RELCH: variants seen among roughly 807,000 people sequenced by gnomAD.
The protein encoded by RELCH is RAB11-binding protein RELCH.
Under a neutral mutation model 150.3 loss-of-function variants are expected in RELCH, and 41 were observed. The ratio of observed to expected loss-of-function variants is 0.27; its 90% confidence interval spans 0.21 to 0.35. The LOEUF (loss-of-function observed/expected upper bound fraction) is 0.35. Ranked by LOEUF, RELCH falls within the 10% of genes least tolerant of loss-of-function variation. The pLI is 1.00. For missense variants in RELCH, 1,092 were observed against 1,467.8 expected, an observed-to-expected ratio of 0.74 and a Z score of 4.18; for synonymous variants, 478 against 531.8, an observed-to-expected ratio of 0.90 and a Z score of 1.39.
chr18:62,225,568 A>G (rs2099430891), intron 5 of RELCH, among the ~76,000 whole-genome samples: 1 of 152,054 alleles, frequency 6.6e-6, no homozygotes, highest in African/African-American at 2.4e-5. Context: ...TGGATGGAAA[A>G]TAAGCACGTG....
chr18:62,228,696 G>T, intron 8 of RELCH, 98 bp downstream of exon 8: 1 of 839,944 alleles, frequency 1.2e-6, no homozygotes, highest in South Asian at 2.1e-5. Context: ...CTTTTTTGCA[G>T]ATCAAATATA....
intron 12 of RELCH, among the ~76,000 whole-genome samples, 182 bp from the exon 13 acceptor site, chr18:62,255,225 A>G (rs1208984472): frequency 6.6e-6 from 1 of 151,924 alleles, no homozygotes; most frequent in Non-Finnish European, 1.5e-5. Flanking sequence ...GTAACCTCAT[A>G]TTTAGGTTCT....
chr18:62,291,017 T>C (rs568340112), intron 26 of RELCH, among the ~76,000 whole-genome samples: 2 of 152,216 alleles, frequency 1.3e-5, no homozygotes, highest in Non-Finnish European at 2.9e-5. Flanking sequence ...TGTCTATGAT[T>C]TGCAGGTTAA....
intron 27 of RELCH, among the ~76,000 whole-genome samples, chr18:62,293,796 T>C (rs1335623940): frequency 1.3e-5 from 2 of 152,110 alleles, no homozygotes; most frequent in Non-Finnish European, 2.9e-5. Context: ...AAAAGTTCCA[T>C]ATATGCCCCT....
At chr18:62,293,424 A>G (rs2145078337) in intron 27 of RELCH, among the ~76,000 whole-genome samples, 1 of 152,292 alleles carries the variant, frequency 6.6e-6, no homozygotes, top group South Asian at 2.1e-4. Context: ...TTTGAGGCAG[A>G]TTCCTTCTTC....
At chr18:62,208,034 T>G (rs1017976997) in intron 1 of RELCH, among the ~76,000 whole-genome samples, 4 of 152,212 alleles carry the variant, frequency 2.6e-5, no homozygotes, top group African/African-American at 7.2e-5. Flanking sequence ...TATGAGGGTT[T>G]CAGTTTCTCC....
At chr18:62,266,795 T>C (rs1427207540) in intron 19 of RELCH, 46 bp downstream of exon 19, 2 of 1,184,780 alleles carry the variant, frequency 1.7e-6, no homozygotes. Flanking sequence ...CATTTCTTTA[T>C]GCAGGAAAAA....
intron 25 of RELCH, among the ~76,000 whole-genome samples, chr18:62,284,555 G>A (rs1367582744): frequency 6.6e-6 from 1 of 151,880 alleles, no homozygotes; most frequent in Non-Finnish European, 1.5e-5. Flanking sequence ...CTTCTCTTTT[G>A]CTTTAGAACT....
intron 27 of RELCH, among the ~76,000 whole-genome samples, chr18:62,298,265 C>T (rs1392425585): frequency 6.6e-6 from 1 of 152,188 alleles, no homozygotes; most frequent in Non-Finnish European, 1.5e-5. Flanking sequence ...TTCTATCACT[C>T]ACTCAGTCTC....
chr18:62,279,169 T>G (rs969052349), intron 22 of RELCH, among the ~76,000 whole-genome samples: 5 of 152,204 alleles, frequency 3.3e-5, no homozygotes, highest in Non-Finnish European at 4.4e-5. Context: ...TGTGGAGAAC[T>G]GACGTCTGAA....
At chr18:62,257,208 G>A (rs541384332) in intron 13 of RELCH, among the ~76,000 whole-genome samples, 46 of 151,972 alleles carry the variant, frequency 3.0e-4, no homozygotes, top group Admixed American at 2.8e-3. Context: ...TTGTATATTG[G>A]TAGCTCTTTA....
At chr18:62,266,787 T>TAAAGAAA in intron 19 of RELCH, 38 bp downstream of exon 19, 1 of 1,243,122 alleles carries the variant, frequency 8.0e-7, no homozygotes, top group Non-Finnish European at 1.2e-6. Flanking sequence ...AACAATTGCA[T>TAAAGAAA]TTCTTTATGC....
intron 20 of RELCH, 37 bp from the exon 21 acceptor site, chr18:62,273,943 T>A (rs1465075696): frequency 7.9e-7 from 1 of 1,258,998 alleles, no homozygotes; most frequent in Admixed American, 1.7e-5. Context: ...TCTACTTGAT[T>A]GTTTGGAAAT....
chr18:62,243,420 T>C (rs747900372), intron 10 of RELCH, among the ~76,000 whole-genome samples: 7 of 152,158 alleles, frequency 4.6e-5, no homozygotes, highest in Non-Finnish European at 8.8e-5. Context: ...TTCCTAATCA[T>C]TTTTTATTCC....
intron 16 of RELCH, among the ~76,000 whole-genome samples, chr18:62,262,931 C>A (rs1471617809): frequency 3.3e-5 from 5 of 151,930 alleles, no homozygotes; most frequent in Non-Finnish European, 7.4e-5. Context: ...CTGGGCTCTC[C>A]CCTGGCTTCT....
intron 11 of RELCH, 33 bp downstream of exon 11, chr18:62,244,909 C>G: frequency 7.4e-7 from 1 of 1,357,002 alleles, no homozygotes; most frequent in Non-Finnish European, 1.1e-6. Flanking sequence ...AAAAGAAATA[C>G]AATGTGACTT....
chr18:62,216,557 C>G (rs2040487731), intron 2 of RELCH, among the ~76,000 whole-genome samples: 1 of 151,868 alleles, frequency 6.6e-6, no homozygotes, highest in South Asian at 2.1e-4. Context: ...TCAGATTTAT[C>G]ACATGTCACA....
At chr18:62,248,233 C>T (rs1298863440) in intron 11 of RELCH, among the ~76,000 whole-genome samples, 2 of 152,112 alleles carry the variant, frequency 1.3e-5, no homozygotes, top group African/African-American at 2.4e-5. Context: ...TGCTGCAACC[C>T]TTTAAACTTT....
intron 25 of RELCH, among the ~76,000 whole-genome samples, chr18:62,286,686 A>G (rs1409070684): frequency 1.3e-5 from 2 of 152,182 alleles, no homozygotes; most frequent in Non-Finnish European, 2.9e-5. Context: ...TTAGTGGGAA[A>G]TGGTACCCAG....
Sources: gnomAD v4.1 joint callset for allele counts (sites outside exome capture counted in the v4.1 genomes callset) on GRCh38, gnomAD v4.1.1 for gene constraint, MANE v1.5 for transcripts, NCBI Gene and HGNC (gene_info 2026-07-23, HGNC 2026-07-21) for gene names.